AKT3: variants seen among roughly 807,000 people sequenced by gnomAD.
The protein encoded by AKT3 is AKT serine/threonine kinase 3.
AKT3 carries 15 observed loss-of-function variants against 65.3 expected under a neutral mutation model. That is an observed-to-expected ratio of 0.23 (90% CI 0.15 to 0.35). AKT3 has a LOEUF of 0.35. AKT3 is among the 10% of genes least tolerant of loss of function. AKT3 has a pLI of 1.00. For synonymous variants in AKT3, 206 were observed against 183.8 expected (o/e 1.12, Z -0.98); for missense variants, 243 against 576.5 (o/e 0.42, Z 5.92).
rs540059036 is a variant in AKT3, at chr1:243,663,576, CAAAAG to C, written c.284+1191_284+1195del. On this transcript the variant is annotated intron_variant, in intron 4 of 13. Coordinates refer to ENST00000673466, the MANE Select transcript of AKT3 (RefSeq NM_005465.7). ...TGCACATAGTAAGATTGGAAGTGCA[CAAAAG>C]AAAATATTATCAGTGCTTAACTCTT... Among the ~76,000 whole-genome samples, 565 of 152,096 alleles carry C rather than the reference CAAAAG, an allele frequency of 3.7e-3. 1 individual carries two copies. Among genetic ancestry groups the C allele is most frequent in the Middle Eastern group, 6.8e-3 (2 of 294 alleles).
chr1:243,692,506 G>T (rs901765535), intron 3 of AKT3, among the ~76,000 whole-genome samples: 1 of 152,022 alleles, frequency 6.6e-6, no homozygotes, highest in Non-Finnish European at 1.5e-5. Flanking sequence ...GCTAAGGCAG[G>T]TGGATCACCT....
Position 243,502,044 on chromosome 1 carries a change from C to G in AKT3, c.*3205G>C. ...GATCTAATGAAAGAACTAGCAAGGTCAAGAAATGTCACAAACTATAAAGCT... is the reference window on the plus strand; with the variant it reads ...GATCTAATGAAAGAACTAGCAAGGTGAAGAAATGTCACAAACTATAAAGCT... On this transcript the variant is annotated 3_prime_UTR_variant, in exon 14 of 14. Transcript: ENST00000673466. 4.3e-6 allele frequency: 1 copy of G among 232,536 alleles called. No individual in the cohort carries two copies. The allele number at this position is 232,536 out of a possible 1,614,324, so 14.4% of individuals were successfully genotyped here.
Position 243,499,771 on chromosome 1 carries a change from C to T in AKT3, c.*5478G>A, listed in dbSNP as rs750000450. 4 of 1,612,508 alleles carry T rather than the reference C, an allele frequency of 2.5e-6. No individual in the cohort carries two copies. In the South Asian group the frequency reaches 4.4e-5, roughly 18 times the overall value. On this transcript the variant is annotated 3_prime_UTR_variant, in exon 14 of 14. Transcript: ENST00000673466. Reference sequence around the variant, plus strand: ...TTTTTTCCAGTTACCCAGCATGCCACAATCTGATTGCTGACCTGGATGGAA... The same window carrying T: ...TTTTTTCCAGTTACCCAGCATGCCATAATCTGATTGCTGACCTGGATGGAA...
intron 2 of AKT3, among the ~76,000 whole-genome samples, chr1:243,719,984 A>G (rs183377948): frequency 4.6e-5 from 7 of 152,334 alleles, no homozygotes; most frequent in Admixed American, 2.0e-4. Flanking sequence ...CCTTGGTGTT[A>G]AGAGAGAGAC....
intron 4 of AKT3, among the ~76,000 whole-genome samples, chr1:243,654,032 T>A (rs1231986188): frequency 1.3e-5 from 2 of 152,162 alleles, no homozygotes; most frequent in South Asian, 2.1e-4. Flanking sequence ...GCAATTATTT[T>A]TATATATATC....
intron 2 of AKT3, among the ~76,000 whole-genome samples, chr1:243,803,617 G>A (rs576315979): frequency 1.4e-5 from 2 of 146,710 alleles, no homozygotes; most frequent in Non-Finnish European, 3.0e-5. Context: ...TTGACAACTT[G>A]GTTTGTTACA....
At chr1:243,527,930 CACACACAGAGAGAGAG>C (rs1456658548) in intron 12 of AKT3, among the ~76,000 whole-genome samples, 155 of 40,474 alleles carry the variant, frequency 3.8e-3, no homozygotes, top group African/African-American at 0.011. Flanking sequence ...CACACACACA[CACACACAGAGAGAGAG>C]AGAGAGAGAG....
In AKT3 at chr1:243,850,230, AAGCGAAGGGCTGC is replaced by A. The variant is rs1474254382; in HGVS notation, c.-316_-304del. 1 of 145,436 alleles carries A rather than the reference AAGCGAAGGGCTGC, an allele frequency of 6.9e-6. No homozygotes were observed. Among genetic ancestry groups the A allele is most frequent in the East Asian group, 2.4e-4 (1 of 4,244 alleles). The allele number at this position is 145,436 out of a possible 1,614,324, so 9.0% of individuals were successfully genotyped here. Reference sequence around the variant, plus strand: ...AGCCCGGTGCGGCCGGCGGGAGGGCAAGCGAAGGGCTGCAGGGGAGGGAGGGAGGGAGCCGGCC... The same window carrying A: ...AGCCCGGTGCGGCCGGCGGGAGGGCAAGGGGAGGGAGGGAGGGAGCCGGCC... On this transcript the variant is annotated 5_prime_UTR_variant, in exon 1 of 14. Coordinates refer to ENST00000673466, the MANE Select transcript of AKT3 (RefSeq NM_005465.7).
chr1:243,681,226 CAT>C (rs780531994), intron 3 of AKT3, among the ~76,000 whole-genome samples: 46 of 152,208 alleles, frequency 3.0e-4, no homozygotes, highest in African/African-American at 9.9e-4. Flanking sequence ...CTAACACACA[CAT>C]ATATGTGTAT....
At chr1:243,660,928 G>C (rs1682264926) in intron 4 of AKT3, among the ~76,000 whole-genome samples, 1 of 152,160 alleles carries the variant, frequency 6.6e-6, no homozygotes, top group Admixed American at 6.5e-5. Context: ...CAGACAGAGA[G>C]CCAAATCATG....
chr1:243,660,547 G>T (rs899530103), intron 4 of AKT3, among the ~76,000 whole-genome samples: 1 of 152,164 alleles, frequency 6.6e-6, no homozygotes, highest in Non-Finnish European at 1.5e-5. Context: ...ATTAGGTATT[G>T]ATGGGATGTA....
chr1:243,752,893 A>G (rs1372303920), intron 2 of AKT3, among the ~76,000 whole-genome samples: 2 of 152,178 alleles, frequency 1.3e-5, no homozygotes, highest in African/African-American at 4.8e-5. Flanking sequence ...TAAAGTTTTC[A>G]TCCCTTTTCC....
chr1:243,566,010 C>T (rs189870283), intron 9 of AKT3, among the ~76,000 whole-genome samples: 1 of 152,112 alleles, frequency 6.6e-6, no homozygotes, highest in East Asian at 1.9e-4. Flanking sequence ...CATTCCATTC[C>T]CATCTAGTTT....
At chr1:243,609,661 A>G (rs1252002775) in intron 8 of AKT3, among the ~76,000 whole-genome samples, 2 of 152,200 alleles carry the variant, frequency 1.3e-5, no homozygotes, top group Admixed American at 1.3e-4. Flanking sequence ...CTAGAGAATC[A>G]GTTCACTTGC....
intron 1 of AKT3, among the ~76,000 whole-genome samples, chr1:243,847,178 T>G (rs1223600776): frequency 6.6e-6 from 1 of 152,190 alleles, no homozygotes; most frequent in Non-Finnish European, 1.5e-5. Context: ...GCATATTAAC[T>G]TAAAAATAAA....
At chr1:243,781,267 A>T (rs1027352193) in intron 2 of AKT3, among the ~76,000 whole-genome samples, 2 of 152,172 alleles carry the variant, frequency 1.3e-5, no homozygotes, top group African/African-American at 4.8e-5. Flanking sequence ...AGAATTCCAT[A>T]GTACGAATGA....
At chr1:243,609,823 A>AT (rs1255699125) in intron 8 of AKT3, among the ~76,000 whole-genome samples, 1 of 152,124 alleles carries the variant, frequency 6.6e-6, no homozygotes, top group Non-Finnish European at 1.5e-5. Context: ...TTAGTGTAAA[A>AT]TTTTTTTCAA....
At chr1:243,625,957 C>T (rs1324064717) in intron 6 of AKT3, among the ~76,000 whole-genome samples, 2 of 152,162 alleles carry the variant, frequency 1.3e-5, no homozygotes, top group South Asian at 2.1e-4. Flanking sequence ...GGGAAATGGT[C>T]CTTCCCCTCC....
At chr1:243,674,633 A>T (rs778235500) in intron 3 of AKT3, among the ~76,000 whole-genome samples, 2 of 152,216 alleles carry the variant, frequency 1.3e-5, no homozygotes, top group Non-Finnish European at 2.9e-5. Context: ...AAGAGGGGTG[A>T]GGAAGGTAGT....
Sources: allele counts gnomAD v4.1 joint callset (sites outside exome capture counted in the v4.1 genomes callset), GRCh38; gene constraint gnomAD v4.1.1; transcripts MANE v1.5; gene names NCBI Gene and HGNC (gene_info 2026-07-23, HGNC 2026-07-21).